The following YAF2 variants were observed in gnomAD, a reference collection of about 807,000 sequenced individuals.
The protein encoded by YAF2 is YY1-associated factor 2.
In YAF2, 7 loss-of-function variants were observed where a neutral mutation model predicts 20.1. That is an observed-to-expected ratio of 0.35 (90% CI 0.20 to 0.65). YAF2 has a LOEUF of 0.65. Ranked by LOEUF, YAF2 falls within the 30% of genes least tolerant of loss-of-function variation. The pLI, the probability that YAF2 is intolerant of heterozygous loss-of-function variation, is 0.69. For missense variants in YAF2, 151 were observed against 219.2 expected (o/e 0.69, Z 1.96); for synonymous variants, 74 against 76.0 (o/e 0.97, Z 0.14).
At chr12:42,181,603 G>A (rs1030035314) in intron 2 of YAF2, among the ~76,000 whole-genome samples, 6 of 152,098 alleles carry the variant, frequency 3.9e-5, no homozygotes, top group African/African-American at 9.7e-5. Context: ...AAACTTAAAA[G>A]GTAATTATGA....
intron 2 of YAF2, among the ~76,000 whole-genome samples, chr12:42,205,047 G>T (rs2067001142): frequency 1.4e-5 from 2 of 142,514 alleles, no homozygotes; most frequent in Non-Finnish European, 1.5e-5. Flanking sequence ...TCTCAATAAA[G>T]TTGTTATTAA....
intron 2 of YAF2, chr12:42,235,781 GC>G (rs773764716): frequency 5.7e-5 from 87 of 1,535,534 alleles, no homozygotes; most frequent in Non-Finnish European, 7.1e-5. Context: ...AATGTCAGGG[GC>G]CCCCATGTGG....
intron 3 of YAF2, 96 bp from the exon 4 acceptor site, chr12:42,160,922 A>T: frequency 9.7e-7 from 1 of 1,031,494 alleles, no homozygotes; most frequent in East Asian, 2.5e-5. Context: ...TAACAAAATG[A>T]ATACATGTAT....
At chr12:42,167,226 C>T (rs2065936792) in intron 2 of YAF2, among the ~76,000 whole-genome samples, 1 of 152,082 alleles carries the variant, frequency 6.6e-6, no homozygotes, top group Admixed American at 6.6e-5. Context: ...TTGACAGTTA[C>T]AGCAAACCAC....
intron 2 of YAF2, among the ~76,000 whole-genome samples, chr12:42,202,887 TC>T (rs1197233256): frequency 1.3e-5 from 2 of 152,166 alleles, no homozygotes; most frequent in Non-Finnish European, 2.9e-5. Flanking sequence ...TTCACCCGCC[TC>T]CGCCTCTCAA....
chr12:42,165,641 T>C (rs781163670), intron 2 of YAF2, among the ~76,000 whole-genome samples: 32 of 151,550 alleles, frequency 2.1e-4, no homozygotes, highest in Non-Finnish European at 4.3e-4. Context: ...TTTTTTTTTA[T>C]TTTTTATTTT....
chr12:42,214,883 G>A (rs192267114), intron 2 of YAF2, among the ~76,000 whole-genome samples: 3 of 151,966 alleles, frequency 2.0e-5, no homozygotes, highest in South Asian at 2.1e-4. Flanking sequence ...AGGCGCCTGC[G>A]GTCCCAGCTA....
At position 42,235,783 on chromosome 12, in the gene YAF2, C is replaced by T. The variant is rs140363055; in HGVS notation, c.152+1816G>A. On this transcript the variant is annotated intron_variant, in intron 2 of 3. Coordinates refer to ENST00000534854, the MANE Select transcript of YAF2 (RefSeq NM_005748.6). ...GGTAAAAAAAAAAAATGTCAGGGGC[C>T]CCCATGTGGGCCTCAAGCCTCTTTT... The T allele has an allele frequency of 1.8e-3, 2,806 of 1,535,900 alleles. 65 individuals carry two copies. The African/African-American group carries it at 0.034, about 19-fold the overall frequency.
At chr12:42,161,590 C>A in intron 3 of YAF2, 23 bp downstream of exon 3, 1 of 1,556,366 alleles carries the variant, frequency 6.4e-7, no homozygotes, top group South Asian at 1.2e-5. Flanking sequence ...TCAAAAATGT[C>A]ATAAAACACT....
At chr12:42,173,066 G>C (rs139584654) in intron 2 of YAF2, among the ~76,000 whole-genome samples, 7,048 of 152,156 alleles carry the variant, frequency 0.046, 262 homozygotes, top group East Asian at 0.15. Flanking sequence ...GAGAGAGGGA[G>C]AGAGAGAAAG....
intron 2 of YAF2, among the ~76,000 whole-genome samples, chr12:42,227,986 C>G (rs1263527092): frequency 1.4e-5 from 2 of 141,586 alleles, no homozygotes; most frequent in South Asian, 4.5e-4. Context: ...GGGTCAGCCC[C>G]CCGCCTGGCC....
At chr12:42,185,115 C>CT (rs1466218006) in intron 2 of YAF2, among the ~76,000 whole-genome samples, 1 of 152,108 alleles carries the variant, frequency 6.6e-6, no homozygotes, top group East Asian at 1.9e-4. Context: ...GAGGCAAAGG[C>CT]TGCAGTGGGC....
intron 2 of YAF2, among the ~76,000 whole-genome samples, chr12:42,223,613 A>G (rs2067589123): frequency 6.6e-6 from 1 of 152,074 alleles, no homozygotes; most frequent in South Asian, 2.1e-4. Context: ...CTCCTGCCTC[A>G]GCCTGTAAAA....
intron 2 of YAF2, among the ~76,000 whole-genome samples, chr12:42,183,842 A>C (rs2066406206): frequency 6.6e-6 from 1 of 152,240 alleles, no homozygotes; most frequent in Non-Finnish European, 1.5e-5. Flanking sequence ...GCTAGAGACG[A>C]AAAGTCAATG....
At position 42,158,257 on chromosome 12, in the gene YAF2, TC is replaced by T. The variant is rs1422315893; in HGVS notation, c.*2331del. On this transcript the variant is annotated 3_prime_UTR_variant, in exon 4 of 4. Transcript: ENST00000534854. ...ATCTCATAGTGCACACCCACCAGGT[TC>T]TTTAATTATGGAAAGATGGTCTTTC... The T allele has an allele frequency of 2.0e-5, 3 of 152,226 alleles. No individual in the cohort carries two copies. The highest frequency in any genetic ancestry group is 7.2e-5 in the African/African-American group (3 of 41,460). The allele number at this position is 152,226 out of a possible 1,614,324, so 9.4% of individuals were successfully genotyped here. A position where few individuals can be genotyped will look rare whatever the true frequency, so the allele number is the denominator to read the frequency against.
chr12:42,164,062 T>C (rs2065857974), intron 2 of YAF2, among the ~76,000 whole-genome samples: 1 of 152,234 alleles, frequency 6.6e-6, no homozygotes, highest in Non-Finnish European at 1.5e-5. Flanking sequence ...CTTTTAGTAA[T>C]GCCAAAGGTT....
At chr12:42,163,533 T>C (rs74078180) in intron 2 of YAF2, among the ~76,000 whole-genome samples, 3,659 of 152,286 alleles carry the variant, frequency 0.024, 147 homozygotes, top group African/African-American at 0.084. Flanking sequence ...TCTTTTTTTC[T>C]GTTCTTGAGT....
chr12:42,231,871 T>G (rs539681995), intron 2 of YAF2: 1 of 152,336 alleles, frequency 6.6e-6, no homozygotes, highest in East Asian at 1.9e-4. Flanking sequence ...TTCCTTGAAG[T>G]GATATATTTT....
At chr12:42,175,770 A>AAAT (rs2066172489) in intron 2 of YAF2, among the ~76,000 whole-genome samples, 1 of 142,852 alleles carries the variant, frequency 7.0e-6, no homozygotes, top group Non-Finnish European at 1.5e-5. Context: ...AAAAAAAAAA[A>AAAT]TTAAAACAGG....
Sources: allele counts gnomAD v4.1 joint callset (sites outside exome capture counted in the v4.1 genomes callset), GRCh38; gene constraint gnomAD v4.1.1; transcripts MANE v1.5; gene names NCBI Gene and HGNC (gene_info 2026-07-23, HGNC 2026-07-21).